Variants in SMYD3 observed in about 807,000 individuals in gnomAD.
SMYD3 encodes the protein histone-lysine N-methyltransferase SMYD3.
SMYD3 carries 36 observed loss-of-function variants against 57.7 expected under a neutral mutation model. That is an observed-to-expected ratio of 0.62 (90% CI 0.48 to 0.82). SMYD3 has a LOEUF of 0.82. Among genes scored for constraint, SMYD3 ranks in the 40% least tolerant of loss-of-function variants. The pLI is 0.00. For synonymous variants in SMYD3, 211 were observed against 195.0 expected (o/e 1.08, Z -0.68); for missense variants, 515 against 538.8 (o/e 0.96, Z 0.44).
chr1:246,121,432 CAAAAAAAA>C (rs10646615), intron 5 of SMYD3, among the ~76,000 whole-genome samples: 27 of 100,314 alleles, frequency 2.7e-4, no homozygotes, highest in African/African-American at 8.3e-4. Flanking sequence ...TTCCATTTTG[CAAAAAAAA>C]AAAAAAAAAA....
At chr1:246,208,296 T>C (rs765287912) in intron 5 of SMYD3, among the ~76,000 whole-genome samples, 2 of 152,106 alleles carry the variant, frequency 1.3e-5, no homozygotes, top group Non-Finnish European at 2.9e-5. Flanking sequence ...TTCATTCACT[T>C]CACGTGGTGA....
At chr1:246,093,797 A>C (rs2060863698) in intron 5 of SMYD3, among the ~76,000 whole-genome samples, 1 of 152,162 alleles carries the variant, frequency 6.6e-6, no homozygotes, top group Admixed American at 6.5e-5. Flanking sequence ...TATTAGCAGA[A>C]GATAAAATTT....
At chr1:246,173,110 T>C (rs965908140) in intron 5 of SMYD3, among the ~76,000 whole-genome samples, 3 of 149,936 alleles carry the variant, frequency 2.0e-5, no homozygotes, top group South Asian at 4.3e-4. Flanking sequence ...TTATCAACAC[T>C]ACACACTTAG....
At chr1:245,957,682 G>A (rs6677907) in intron 5 of SMYD3, among the ~76,000 whole-genome samples, 90,844 of 152,040 alleles carry the variant, frequency 0.6, 29,971 homozygotes, top group East Asian at 0.95. Flanking sequence ...TGTCATATCA[G>A]TACTGTTTCC....
chr1:245,982,073 T>C (rs2058609405), intron 5 of SMYD3, among the ~76,000 whole-genome samples: 1 of 152,226 alleles, frequency 6.6e-6, no homozygotes, highest in African/African-American at 2.4e-5. Context: ...TTTAAAGTTT[T>C]TGGGTAATGC....
chr1:245,765,045 T>TGCACACACACAC lies in SMYD3; in HGVS notation c.1077-897_1077-896insGTGTGTGTGTGC, dbSNP rs144137711. Among the ~76,000 whole-genome samples, 103 of 134,812 alleles carry TGCACACACACAC rather than the reference T, an allele frequency of 7.6e-4. 5 individuals carry two copies. The highest frequency in any genetic ancestry group is 4.2e-3 in the East Asian group (20 of 4,810). 88.4% of individuals were successfully genotyped at this position (134,812 alleles called of 152,430 possible). ...CAGAATTGTCTCTGGTGGAAATGCC[T>TGCACACACACAC]ACACACACACACACACACACACACA... On this transcript the variant is annotated intron_variant, in intron 10 of 11. Coordinates refer to ENST00000490107, the MANE Select transcript of SMYD3 (RefSeq NM_001167740.2).
intron 5 of SMYD3, among the ~76,000 whole-genome samples, chr1:246,273,310 C>T (rs2064264386): frequency 6.6e-6 from 1 of 151,174 alleles, no homozygotes; most frequent in Non-Finnish European, 1.5e-5. Context: ...CCACCGTGCC[C>T]AGCTAATTTT....
At chr1:246,286,880 GT>G (rs35900118) in intron 5 of SMYD3, among the ~76,000 whole-genome samples, 28 of 137,530 alleles carry the variant, frequency 2.0e-4, no homozygotes, top group South Asian at 2.2e-4. Flanking sequence ...CTTTTTTTTT[GT>G]TTTTTTTTTT....
intron 11 of SMYD3, among the ~76,000 whole-genome samples, chr1:245,751,572 A>AG (rs1558299099): frequency 2.1e-4 from 22 of 103,192 alleles, no homozygotes; most frequent in African/African-American, 6.0e-4. Context: ...GACAGAGAGA[A>AG]AGAGAAAGAG....
chr1:245,937,645 T>C (rs1302169462), intron 5 of SMYD3, among the ~76,000 whole-genome samples: 2 of 152,364 alleles, frequency 1.3e-5, no homozygotes, highest in East Asian at 1.9e-4. Flanking sequence ...TAGGTTTCCA[T>C]AGCTCCACGG....
intron 1 of SMYD3, among the ~76,000 whole-genome samples, chr1:246,419,367 G>A (rs576410620): frequency 2.6e-5 from 4 of 152,238 alleles, no homozygotes; most frequent in African/African-American, 4.8e-5. Context: ...CACCCTCCAC[G>A]TCCTCCCGAT....
chr1:245,787,731 A>C (rs2047103371), intron 10 of SMYD3, among the ~76,000 whole-genome samples: 1 of 152,234 alleles, frequency 6.6e-6, no homozygotes, highest in Non-Finnish European at 1.5e-5. Flanking sequence ...TATCAACTCA[A>C]AACAATTTTT....
Position 246,002,390 on chromosome 1 carries a change from T to C in SMYD3, c.532-72453A>G, listed in dbSNP as rs374356589. On this transcript the variant is annotated intron_variant, in intron 5 of 11. Transcript: ENST00000490107. ...TAGTAGAGACGGGGTTTCACCGTGT[T>C]AGCCAGGATGGTCTCGATCTCCTGA... is the stretch of plus-strand genomic sequence containing the variant. Among the ~76,000 whole-genome samples, 5 of 53,516 alleles carry C rather than the reference T, an allele frequency of 9.3e-5. No individual in the cohort carries two copies. In the East Asian group the frequency reaches 2.2e-3, roughly 23 times the overall value. 35.1% of individuals were successfully genotyped at this position (53,516 alleles called of 152,430 possible). A position where few individuals can be genotyped will look rare whatever the true frequency, so the allele number is the denominator to read the frequency against.
intron 5 of SMYD3, among the ~76,000 whole-genome samples, chr1:245,969,715 G>A (rs769336940): frequency 1.1e-4 from 17 of 152,124 alleles, no homozygotes; most frequent in African/African-American, 4.1e-4. Flanking sequence ...GCATTCCTTC[G>A]TGTTGTTTTG....
chr1:246,497,687 TA>T (rs75736784), intron 1 of SMYD3, among the ~76,000 whole-genome samples: 3 of 151,694 alleles, frequency 2.0e-5, no homozygotes, highest in Non-Finnish European at 2.9e-5. Context: ...ATCTCATCTC[TA>T]AAAAAAAATT....
At chr1:245,850,628 G>A (rs9662150) in intron 10 of SMYD3, among the ~76,000 whole-genome samples, 26,149 of 152,146 alleles carry the variant, frequency 0.17, 3,215 homozygotes, top group East Asian at 0.47. Flanking sequence ...TTGAGCCCAG[G>A]AAGTAAACAC....
chr1:245,949,442 TACAGCCAA>T (rs1226814233), intron 5 of SMYD3, among the ~76,000 whole-genome samples: 1 of 151,772 alleles, frequency 6.6e-6, no homozygotes, highest in Non-Finnish European at 1.5e-5. Context: ...CGGATGCCGA[TACAGCCAA>T]AAAAGAAAAA....
chr1:246,091,010 A>G (rs2060814300), intron 5 of SMYD3, among the ~76,000 whole-genome samples: 1 of 152,066 alleles, frequency 6.6e-6, no homozygotes, highest in Non-Finnish European at 1.5e-5. Context: ...ACGGACTCCA[A>G]CTCTGCCCTT....
rs149143671 is a variant in SMYD3, at chr1:246,225,615, G to A, written c.531+101586C>T. Reference sequence around the variant, plus strand: ...TAACACAGGTGACAACAGAAGTTACGGAAAGACAGTGTCTCTGGAGCATCT... The same window carrying A: ...TAACACAGGTGACAACAGAAGTTACAGAAAGACAGTGTCTCTGGAGCATCT... On this transcript the variant is annotated intron_variant, in intron 5 of 11. Coordinates refer to ENST00000490107, the MANE Select transcript of SMYD3 (RefSeq NM_001167740.2). 5.9e-3 allele frequency among the ~76,000 whole-genome samples: 903 copies of A among 152,142 alleles called. 13 individuals carry two copies. The highest frequency in any genetic ancestry group is 0.02 in the African/African-American group (827 of 41,430).
Sources: gnomAD v4.1 joint callset for allele counts (sites outside exome capture counted in the v4.1 genomes callset) on GRCh38, gnomAD v4.1.1 for gene constraint, MANE v1.5 for transcripts, NCBI Gene and HGNC (gene_info 2026-07-23, HGNC 2026-07-21) for gene names.